The following ROBO2 variants were observed in gnomAD, a reference collection of about 807,000 sequenced individuals.
The protein encoded by ROBO2 is roundabout guidance receptor 2.
Under a neutral mutation model 160.8 loss-of-function variants are expected in ROBO2, and 53 were observed. The ratio of observed to expected loss-of-function variants is 0.33; its 90% confidence interval spans 0.26 to 0.41. The LOEUF (loss-of-function observed/expected upper bound fraction) is 0.41. Among genes scored for constraint, ROBO2 ranks in the 10% least tolerant of loss-of-function variants. The pLI is 1.00. For synonymous variants in ROBO2, 664 were observed against 611.7 expected, an observed-to-expected ratio of 1.09 and a Z score of -1.26; for missense variants, 1,577 against 1,722.4, an observed-to-expected ratio of 0.92 and a Z score of 1.49.
intron 22 of ROBO2, among the ~76,000 whole-genome samples, chr3:77,621,047 T>C (rs2094889907): frequency 6.6e-6 from 1 of 152,188 alleles, no homozygotes. Context: ...GCAAATCAAC[T>C]GGACCCTACT....
chr3:76,040,093 A>C (rs905142168), intron 2 of ROBO2, among the ~76,000 whole-genome samples: 27 of 151,996 alleles, frequency 1.8e-4, no homozygotes, highest in Admixed American at 1.4e-3. Flanking sequence ...TTCAATTTAT[A>C]GATTTATAAG....
chr3:76,165,572 G>C (rs747831505), intron 2 of ROBO2, among the ~76,000 whole-genome samples: 1 of 152,030 alleles, frequency 6.6e-6, no homozygotes, highest in Admixed American at 6.6e-5. Flanking sequence ...CTTTTCCTTT[G>C]TAGTCACAAC....
chr3:76,045,179 T>G (rs945936066), intron 2 of ROBO2, among the ~76,000 whole-genome samples: 2 of 152,082 alleles, frequency 1.3e-5, no homozygotes, highest in African/African-American at 4.8e-5. Flanking sequence ...AGTGCCCCCG[T>G]GTGGCACAGT....
chr3:77,620,682 T>A (rs560184818), intron 22 of ROBO2, among the ~76,000 whole-genome samples: 1 of 152,288 alleles, frequency 6.6e-6, no homozygotes, highest in South Asian at 2.1e-4. Flanking sequence ...TTTTTAACAT[T>A]GAAACATCTA....
At chr3:77,412,949 G>T (rs559230964) in intron 2 of ROBO2, among the ~76,000 whole-genome samples, 1 of 152,312 alleles carries the variant, frequency 6.6e-6, no homozygotes, top group Admixed American at 6.5e-5. Context: ...GGGCACAGTG[G>T]CTCATGCCTG....
At chr3:76,435,090 A>C in intron 2 of ROBO2, 2 of 1,034,246 alleles carry the variant, frequency 1.9e-6, no homozygotes, top group Non-Finnish European at 1.5e-6. Context: ...ATTGCAAATC[A>C]AGGGCAAAAT....
chr3:77,254,745 CACTT>C (rs1211177434), intron 2 of ROBO2, among the ~76,000 whole-genome samples: 1 of 152,146 alleles, frequency 6.6e-6, no homozygotes, highest in Non-Finnish European at 1.5e-5. Context: ...GCACTTATTT[CACTT>C]ACTTTTATTT....
chr3:77,400,475 T>C (rs971092935), intron 2 of ROBO2, among the ~76,000 whole-genome samples: 1 of 152,188 alleles, frequency 6.6e-6, no homozygotes, highest in Non-Finnish European at 1.5e-5. Flanking sequence ...GAACACATAG[T>C]TCTAAGAAGG....
chr3:75,940,577 A>C (rs1242314160), intron 2 of ROBO2, among the ~76,000 whole-genome samples: 1 of 152,138 alleles, frequency 6.6e-6, no homozygotes, highest in Non-Finnish European at 1.5e-5. Flanking sequence ...TTTGTGCATG[A>C]GAAAGTGTTT....
At chr3:76,955,049 C>T (rs1022050290) in intron 2 of ROBO2, among the ~76,000 whole-genome samples, 4 of 152,166 alleles carry the variant, frequency 2.6e-5, no homozygotes, top group Non-Finnish European at 5.9e-5. Context: ...GAACCCTCTG[C>T]TAACCTCTAA....
exon 9 of ROBO2, chr3:77,558,071 G>A (rs2093187613): frequency 1.2e-6 from 2 of 1,613,142 alleles, no homozygotes; most frequent in Non-Finnish European, 8.5e-7. Context: ...GCTGGTTAAA[G>A]GAGGGATTTA....
intron 2 of ROBO2, among the ~76,000 whole-genome samples, chr3:76,275,113 T>C (rs1056070747): frequency 6.6e-6 from 1 of 152,118 alleles, no homozygotes; most frequent in Non-Finnish European, 1.5e-5. Flanking sequence ...ACAACAATAA[T>C]TGCGCCGTGC....
chr3:77,236,135 A>G (rs572434525), intron 2 of ROBO2, among the ~76,000 whole-genome samples: 1 of 152,342 alleles, frequency 6.6e-6, no homozygotes, highest in Admixed American at 6.5e-5. Context: ...GACATTAATC[A>G]AATACCTGTA....
intron 21 of ROBO2, among the ~76,000 whole-genome samples, chr3:77,612,909 C>T (rs989867227): frequency 1.3e-5 from 2 of 151,644 alleles, no homozygotes; most frequent in Non-Finnish European, 2.9e-5. Context: ...GCCGAGATCG[C>T]GCCACTGCAC....
chr3:76,434,708 C>A (rs371773433), intron 2 of ROBO2: 4 of 1,055,648 alleles, frequency 3.8e-6, no homozygotes, highest in Non-Finnish European at 4.5e-6. Flanking sequence ...ACCAGGCAGG[C>A]CCCCCTCCTC....
intron 2 of ROBO2, among the ~76,000 whole-genome samples, chr3:75,944,450 A>G (rs1948192313): frequency 6.6e-6 from 1 of 152,040 alleles, no homozygotes; most frequent in Non-Finnish European, 1.5e-5. Context: ...TACTTATTAC[A>G]TTTCTTTTAA....
intron 2 of ROBO2, among the ~76,000 whole-genome samples, chr3:76,088,031 G>A (rs1232428484): frequency 1.3e-5 from 2 of 152,052 alleles, no homozygotes; most frequent in African/African-American, 4.8e-5. Flanking sequence ...AGGATGGTGA[G>A]AGATATACTA....
chr3:76,844,576 T>C (rs900710177), intron 2 of ROBO2, among the ~76,000 whole-genome samples: 18 of 151,968 alleles, frequency 1.2e-4, no homozygotes, highest in Non-Finnish European at 7.4e-5. Flanking sequence ...TCTCCAAGCC[T>C]CACTTATACA....
At chr3:76,987,938 A>C (rs997969158) in intron 2 of ROBO2, among the ~76,000 whole-genome samples, 1 of 152,156 alleles carries the variant, frequency 6.6e-6, no homozygotes, top group Non-Finnish European at 1.5e-5. Flanking sequence ...AAATTAAGTG[A>C]TATTAAAATA....
Sources: gnomAD v4.1 joint callset for allele counts (sites outside exome capture counted in the v4.1 genomes callset) on GRCh38, gnomAD v4.1.1 for gene constraint, MANE v1.5 for transcripts, NCBI Gene and HGNC (gene_info 2026-07-23, HGNC 2026-07-21) for gene names.